ABHD2: variants seen among roughly 807,000 people sequenced by gnomAD.
ABHD2 encodes monoacylglycerol lipase ABHD2.
Under a neutral mutation model 48.1 loss-of-function variants are expected in ABHD2, and 20 were observed. That is an observed-to-expected ratio of 0.42 (90% CI 0.29 to 0.60). The LOEUF is 0.60. Ranked by LOEUF, ABHD2 falls within the 20% of genes least tolerant of loss-of-function variation. The probability of loss-of-function intolerance (pLI) is 0.24; values close to 1 mark genes in which losing one functional copy is unlikely to be tolerated. For synonymous variants in ABHD2, 209 were observed against 214.2 expected, an observed-to-expected ratio of 0.98 and a Z score of 0.21; for missense variants, 405 against 550.9, an observed-to-expected ratio of 0.74 and a Z score of 2.65.
At chr15:89,122,980 A>G (rs1374311526) in intron 3 of ABHD2, among the ~76,000 whole-genome samples, 1 of 152,114 alleles carries the variant, frequency 6.6e-6, no homozygotes, top group Admixed American at 6.5e-5. Flanking sequence ...TATGATGAAA[A>G]CCACAGCCAC....
intron 3 of ABHD2, among the ~76,000 whole-genome samples, chr15:89,130,254 C>T (rs963837081): frequency 2.0e-5 from 3 of 152,188 alleles, no homozygotes; most frequent in African/African-American, 4.8e-5. Flanking sequence ...ACTCATGCTA[C>T]GTGTTTATTT....
the ABHD2 span, among the ~76,000 whole-genome samples, chr15:89,061,181 G>T: frequency 2.6e-5 from 4 of 152,012 alleles, no homozygotes; most frequent in Non-Finnish European, 5.9e-5. Flanking sequence ...ACTTTGGGAG[G>T]CCAAGGCAGG....
chr15:89,051,850 C>T, the ABHD2 span, among the ~76,000 whole-genome samples: 3 of 152,130 alleles, frequency 2.0e-5, no homozygotes, highest in East Asian at 1.9e-4. Context: ...TTATTAACAG[C>T]GTGAGAACAA....
In ABHD2 at chr15:89,100,651, C is replaced by T. The variant is rs2049687157; in HGVS notation, c.-107+12088C>T. 6.6e-6 allele frequency among the ~76,000 whole-genome samples: 1 copy of T among 152,072 alleles called. No individual in the cohort carries two copies. Among genetic ancestry groups the T allele is most frequent in the Non-Finnish European group, 1.5e-5 (1 of 68,016 alleles). On this transcript the variant is annotated intron_variant, in intron 1 of 10. Coordinates refer to ENST00000352732, the MANE Select transcript of ABHD2 (RefSeq NM_152924.5). The surrounding 1 kb of genome is among the most constrained non-coding windows in gnomAD (Gnocchi z 4.4). ...TTCGGAGGCTGAGGTGGGTGGATCA[C>T]GAGGTCAGGAGTTCGAGACCAGCCT...
Position 89,185,931 on chromosome 15 carries a change from C to T in ABHD2, c.815+415C>T, listed in dbSNP as rs140406638. Among the ~76,000 whole-genome samples the T allele has an allele frequency of 9.1e-4, 138 of 152,334 alleles. No individual in the cohort carries two copies. Among genetic ancestry groups the T allele is most frequent in the African/African-American group, 3.2e-3 (134 of 41,576 alleles). On this transcript the variant is annotated intron_variant, in intron 7 of 10. Transcript: ENST00000352732. This position sits in a 1 kb window ranked among gnomAD's most constrained non-coding sequence, Gnocchi z 5.9. ...GCAGCGAGCCAAGATTGCGCCAATG[C>T]ACCCCAGCCTGGGTGACAGAGCGAG...
At chr15:89,086,478 G>A (rs200433097), upstream of ABHD2, among the ~76,000 whole-genome samples, 3 of 151,980 alleles carry the variant, frequency 2.0e-5, no homozygotes, top group African/African-American at 7.3e-5. Flanking sequence ...GCAGTGGTGC[G>A]ATCACAGCTC....
intron 3 of ABHD2, among the ~76,000 whole-genome samples, chr15:89,142,215 T>C (rs2050414756): frequency 6.6e-6 from 1 of 152,178 alleles, no homozygotes; most frequent in Non-Finnish European, 1.5e-5. Context: ...ATCTGCCCAT[T>C]TCACAAAATT....
chr15:89,154,865 G>C lies in ABHD2; in HGVS notation c.371-502G>C, dbSNP rs530829788. 5.4e-4 allele frequency among the ~76,000 whole-genome samples: 82 copies of C among 152,274 alleles called. 2 individuals are homozygous for C. The highest frequency in any genetic ancestry group is 4.1e-4 in the South Asian group (2 of 4,828). ...GAACACAACCTAATGCATATATATT[G>C]TTTTACATATGTACAATTACATCTG... On this transcript the variant is annotated intron_variant, in intron 4 of 10. Transcript: ENST00000352732.
intron 4 of ABHD2, among the ~76,000 whole-genome samples, chr15:89,152,221 G>A (rs188243676): frequency 0.028 from 4,246 of 152,012 alleles, 94 homozygotes; most frequent in Admixed American, 0.039. Flanking sequence ...GACTACAGGC[G>A]CCAGCCACCA....
chr15:89,056,562 G>T, the ABHD2 span, among the ~76,000 whole-genome samples: 1 of 152,080 alleles, frequency 6.6e-6, no homozygotes, highest in Admixed American at 6.6e-5. Flanking sequence ...AGAATGACGT[G>T]AACCCGGGAG....
At chr15:89,136,629 ACTCT>A (rs1233817000) in intron 3 of ABHD2, 4 of 177,764 alleles carry the variant, frequency 2.3e-5, no homozygotes, top group Non-Finnish European at 3.7e-5. Flanking sequence ...CAGCCTCCTC[ACTCT>A]CTCCGCTCTA....
upstream of ABHD2, among the ~76,000 whole-genome samples, chr15:89,085,157 A>G (rs982758344): frequency 1.3e-5 from 2 of 152,178 alleles, no homozygotes. The surrounding 1 kb of genome is among the most constrained non-coding windows in gnomAD (Gnocchi z 4.2). Flanking sequence ...AGTTAGAAGC[A>G]GTTCTGCTTT....
the ABHD2 span, among the ~76,000 whole-genome samples, chr15:89,048,435 A>C: frequency 6.6e-6 from 1 of 150,456 alleles, no homozygotes; most frequent in Non-Finnish European, 1.5e-5. Context: ...CTGAATCTGA[A>C]CGTTGGCCTG....
intron 3 of ABHD2, among the ~76,000 whole-genome samples, chr15:89,147,377 A>G (rs1490944960): frequency 8.1e-6 from 1 of 122,740 alleles, no homozygotes; most frequent in Admixed American, 8.6e-5. Context: ...TTTTTGAGAC[A>G]GAGTCTCGCT....
In ABHD2 at chr15:89,092,588, C is replaced by G. The variant is rs919420103; in HGVS notation, c.-107+4025C>G. Among the ~76,000 whole-genome samples the G allele has an allele frequency of 2.0e-5, 3 of 152,180 alleles. No homozygotes were observed. The highest frequency in any genetic ancestry group is 7.2e-5 in the African/African-American group (3 of 41,436). ...CTAGTAAATACATCTGTGTGTACCC[C>G]TGACCCCTGATCCTCAGAGGCAACC... On this transcript the variant is annotated intron_variant, in intron 1 of 10. Transcript: ENST00000352732. This position sits in a 1 kb window ranked among gnomAD's most constrained non-coding sequence, Gnocchi z 4.4.
In ABHD2 at chr15:89,196,518, C is replaced by G. The variant is rs1356267923; in HGVS notation, c.*1095C>G. 1 of 152,208 alleles carries G rather than the reference C, an allele frequency of 6.6e-6. No homozygotes were observed. Among genetic ancestry groups the G allele is most frequent in the East Asian group, 1.9e-4 (1 of 5,194 alleles). The allele number at this position is 152,208 out of a possible 1,614,324, so 9.4% of individuals were successfully genotyped here. A position where few individuals can be genotyped will look rare whatever the true frequency, so the allele number is the denominator to read the frequency against. ...TTGAGAGAACATCCCTCCAGGGGAG[C>G]CTGGGAGCTGCTCTCCCAGTCTAAG... is the stretch of plus-strand genomic sequence containing the variant. On this transcript the variant is annotated 3_prime_UTR_variant, in exon 11 of 11. Coordinates refer to ENST00000352732, the MANE Select transcript of ABHD2 (RefSeq NM_152924.5).
Position 89,166,592 on chromosome 15 carries a change from A to G in ABHD2, c.539-9220A>G, listed in dbSNP as rs942205754. Among the ~76,000 whole-genome samples, 1 of 152,134 alleles carries G rather than the reference A, an allele frequency of 6.6e-6. No individual in the cohort carries two copies. The highest frequency in any genetic ancestry group is 2.4e-5 in the African/African-American group (1 of 41,424). On this transcript the variant is annotated intron_variant, in intron 5 of 10. Transcript: ENST00000352732. The surrounding 1 kb of genome is among the most constrained non-coding windows in gnomAD (Gnocchi z 4.6). ...AGACCCTGTCTCAAAAACAAAACAA[A>G]AATTATCTCTTGGGCTGGGTACAGT... is the stretch of plus-strand genomic sequence containing the variant.
intron 5 of ABHD2, among the ~76,000 whole-genome samples, chr15:89,165,082 C>T (rs948082097): frequency 6.6e-6 from 1 of 152,216 alleles, no homozygotes; most frequent in Non-Finnish European, 1.5e-5. Context: ...GCTCTGTGTA[C>T]AGGGATGTCG....
chr15:89,171,181 G>C (rs1790562380), intron 5 of ABHD2, among the ~76,000 whole-genome samples: 2 of 152,152 alleles, frequency 1.3e-5, no homozygotes, highest in Admixed American at 6.6e-5. Flanking sequence ...TCAAAGTGTG[G>C]TCTCTGGACC....
Sources: gnomAD v4.1 joint callset for allele counts (sites outside exome capture counted in the v4.1 genomes callset) on GRCh38, gnomAD v4.1.1 for gene constraint, Gnocchi (gnomAD v3.1) non-coding constraint, MANE v1.5 for transcripts, NCBI Gene and HGNC (gene_info 2026-07-23, HGNC 2026-07-21) for gene names.